Variants in TIAM1 observed in about 807,000 individuals in gnomAD.
TIAM1 encodes TIAM Rac1 associated GEF 1.
A neutral mutation model predicts 163.5 loss-of-function variants in TIAM1; 65 were observed. The observed-to-expected ratio is 0.40, with a 90% confidence interval of 0.33 to 0.49. The LOEUF (loss-of-function observed/expected upper bound fraction) is 0.49, where lower values mean the gene tolerates loss of function less well. Ranked by LOEUF, TIAM1 falls within the 20% of genes least tolerant of loss-of-function variation. TIAM1 has a pLI of 0.77. For synonymous variants in TIAM1, 833 were observed against 810.1 expected (o/e 1.03, Z -0.48); for missense variants, 1,789 against 2,044.7 (o/e 0.87, Z 2.41).
chr21:31,209,261 T>C (rs7282184), intron 11 of TIAM1, among the ~76,000 whole-genome samples: 1,950 of 152,316 alleles, frequency 0.013, 47 homozygotes, highest in African/African-American at 0.045. Context: ...GACTACGACA[T>C]AGAACTATTA....
intron 2 of TIAM1, among the ~76,000 whole-genome samples, chr21:31,365,986 G>T (rs1027599578): frequency 5.3e-5 from 8 of 150,560 alleles, no homozygotes; most frequent in Non-Finnish European, 1.2e-4. Context: ...TACTCAGGAG[G>T]CTGAGGCAGG....
intron 2 of TIAM1, among the ~76,000 whole-genome samples, chr21:31,392,387 G>A (rs1462840670): frequency 2.0e-5 from 3 of 151,810 alleles, no homozygotes; most frequent in African/African-American, 2.4e-5. Context: ...CCTGACCAAC[G>A]TGATGAAACC....
intron 8 of TIAM1, among the ~76,000 whole-genome samples, chr21:31,221,928 G>A (rs557104138): frequency 2.0e-5 from 3 of 152,264 alleles, no homozygotes; most frequent in South Asian, 2.1e-4. Context: ...CGTTTTGTAA[G>A]TTTATTCAAC....
chr21:31,375,002 AAATT>A (rs1204362244), intron 2 of TIAM1, among the ~76,000 whole-genome samples: 1 of 152,194 alleles, frequency 6.6e-6, no homozygotes, highest in Non-Finnish European at 1.5e-5. Context: ...AGAAAGGGTG[AAATT>A]TCTGGTCTTT....
At chr21:31,453,586 G>A (rs35725090) in intron 2 of TIAM1, among the ~76,000 whole-genome samples, 14,046 of 152,012 alleles carry the variant, frequency 0.092, 890 homozygotes, top group Admixed American at 0.13. Flanking sequence ...CCAGCTACTC[G>A]GGAGGCTGAG....
intron 2 of TIAM1, among the ~76,000 whole-genome samples, chr21:31,439,592 T>G (rs1166003566): frequency 3.9e-5 from 6 of 152,206 alleles, no homozygotes. Context: ...ACCCATACAG[T>G]ATTGTATTCT....
intron 2 of TIAM1, among the ~76,000 whole-genome samples, chr21:31,402,516 G>A (rs957261191): frequency 5.9e-5 from 9 of 152,200 alleles, no homozygotes; most frequent in South Asian, 2.1e-4. Flanking sequence ...AACCCTGGCC[G>A]TCCACGACAT....
chr21:31,405,615 TTTCATAGA>T (rs1437715656), intron 2 of TIAM1, among the ~76,000 whole-genome samples: 2 of 152,158 alleles, frequency 1.3e-5, no homozygotes, highest in African/African-American at 2.4e-5. Flanking sequence ...AAGTCACATC[TTTCATAGA>T]TTGCAGCAGG....
chr21:31,411,304 G>C (rs2147240357), intron 2 of TIAM1, among the ~76,000 whole-genome samples: 1 of 152,232 alleles, frequency 6.6e-6, no homozygotes, highest in East Asian at 1.9e-4. Context: ...AGATTTCACT[G>C]TCTGGATAAA....
At chr21:31,450,950 C>G (rs929872229) in intron 2 of TIAM1, among the ~76,000 whole-genome samples, 7 of 151,976 alleles carry the variant, frequency 4.6e-5, no homozygotes, top group African/African-American at 1.5e-4. Flanking sequence ...GGGGACACAG[C>G]CAAACCATAT....
chr21:31,140,866 A>G (rs2082815849), intron 22 of TIAM1, among the ~76,000 whole-genome samples: 3 of 152,190 alleles, frequency 2.0e-5, no homozygotes, highest in Admixed American at 2.0e-4. Flanking sequence ...TTAACACAGA[A>G]TAAAGCCAGA....
At chr21:31,487,718 C>A (rs1049573576) in intron 1 of TIAM1, among the ~76,000 whole-genome samples, 1 of 151,734 alleles carries the variant, frequency 6.6e-6, no homozygotes, top group South Asian at 2.1e-4. Flanking sequence ...CCACCGCGCC[C>A]GGCTAATTTT....
At chr21:31,510,202 G>A (rs1316681251) in intron 1 of TIAM1, among the ~76,000 whole-genome samples, 3 of 152,178 alleles carry the variant, frequency 2.0e-5, no homozygotes, top group East Asian at 3.9e-4. Flanking sequence ...TGGAGTCCGC[G>A]ACCAAAGGGC....
intron 2 of TIAM1, among the ~76,000 whole-genome samples, chr21:31,431,254 C>T (rs760284032): frequency 2.9e-4 from 44 of 152,326 alleles, no homozygotes; most frequent in East Asian, 7.7e-4. Flanking sequence ...ATGCACTCCA[C>T]GTATGTTCAG....
intron 19 of TIAM1, among the ~76,000 whole-genome samples, chr21:31,148,236 A>C (rs2083225734): frequency 6.6e-6 from 1 of 152,008 alleles, no homozygotes; most frequent in South Asian, 2.1e-4. Flanking sequence ...TCCTCACTCA[A>C]ATCTCACCTT....
intron 1 of TIAM1, among the ~76,000 whole-genome samples, chr21:31,524,650 C>G (rs1602488837): frequency 1.3e-5 from 2 of 152,196 alleles, no homozygotes; most frequent in Non-Finnish European, 2.9e-5. Context: ...AGTTTACTCT[C>G]TCTCTGCCAA....
chr21:31,213,168 G>T (rs74949133), intron 10 of TIAM1: 1 of 440,790 alleles, frequency 2.3e-6, no homozygotes, highest in Non-Finnish European at 4.0e-6. Context: ...CACATCAAAT[G>T]GTAAGTATGG....
chr21:31,341,986 A>G (rs769786581), intron 1 of TIAM1, among the ~76,000 whole-genome samples: 1 of 152,198 alleles, frequency 6.6e-6, no homozygotes, highest in Non-Finnish European at 1.5e-5. Flanking sequence ...CCATGAATGA[A>G]AAAGGAAACA....
At chr21:31,274,977 G>T in intron 3 of TIAM1, among the ~76,000 whole-genome samples, 1 of 151,416 alleles carries the variant, frequency 6.6e-6, no homozygotes, top group East Asian at 2.0e-4. Context: ...GGGTGTGGTG[G>T]GGGCGGGGGG....
Sources: gnomAD v4.1 joint callset for allele counts (sites outside exome capture counted in the v4.1 genomes callset) on GRCh38, gnomAD v4.1.1 for gene constraint, MANE v1.5 for transcripts, NCBI Gene and HGNC (gene_info 2026-07-23, HGNC 2026-07-21) for gene names.